Variants in URB1 observed in about 807,000 individuals in gnomAD.
URB1 encodes URB1 ribosome biogenesis factor.
A neutral mutation model predicts 242.3 loss-of-function variants in URB1; 197 were observed. The ratio of observed to expected loss-of-function variants is 0.81; its 90% CI spans 0.72 to 0.91. The LOEUF (loss-of-function observed/expected upper bound fraction) is 0.91, where lower values mean the gene tolerates loss of function less well. Ranked by LOEUF, URB1 falls within the 40% of genes least tolerant of loss-of-function variation. URB1 has a pLI of 0.00. For missense variants in URB1, 2,721 were observed against 2,860.5 expected (o/e 0.95, Z 1.11); for synonymous variants, 1,153 against 1,201.8 (o/e 0.96, Z 0.84).
In URB1 at chr21:32,325,407, C is replaced by T. The variant is rs750927253; in HGVS notation, c.4961-18G>A. ...CACAAACTCTGCAGGAAATGAAATACAGCATGAAACACACACAATATGATT... is the reference window on the plus strand; with the variant it reads ...CACAAACTCTGCAGGAAATGAAATATAGCATGAAACACACACAATATGATT... On this transcript the variant is annotated intron_variant, in intron 30 of 38. Transcript: ENST00000382751. 1.9e-6 allele frequency: 3 copies of T among 1,542,016 alleles called. No homozygotes were observed. The highest frequency in any genetic ancestry group is 1.7e-4 in the Middle Eastern group (1 of 5,956).
chr21:32,342,870 A>G (rs1478520438), intron 24 of URB1, among the ~76,000 whole-genome samples: 1 of 152,194 alleles, frequency 6.6e-6, no homozygotes, highest in East Asian at 1.9e-4. Flanking sequence ...ATTCTTTATC[A>G]TAATAAAAAA....
At chr21:32,337,299 T>C (rs1246249437) in intron 27 of URB1, 105 bp downstream of exon 27, 5 of 1,347,556 alleles carry the variant, frequency 3.7e-6, no homozygotes, top group African/African-American at 1.4e-5. Context: ...GGTCTCACTG[T>C]CTCCTCCTGC....
At chr21:32,325,139 TA>T in intron 31 of URB1, 89 bp downstream of exon 31, 1 of 1,434,582 alleles carries the variant, frequency 7.0e-7, no homozygotes, top group African/African-American at 1.4e-5. Context: ...TGTTCCCTAG[TA>T]AATCCTTCTA....
In URB1 at chr21:32,321,927, C is replaced by T; in HGVS notation, c.5358G>A (p.Lys1786=). 1.3e-6 allele frequency: 2 copies of T among 1,551,590 alleles called. No homozygotes were observed. Among genetic ancestry groups the T allele is most frequent in the South Asian group, 1.2e-5 (1 of 84,052 alleles). Reference sequence around the variant, plus strand: ...CCTGCCGCAGAACGCCAAACACCCACTTCTGCTCTGTTTTTTGCTATAACC... The same window carrying T: ...CCTGCCGCAGAACGCCAAACACCCATTTCTGCTCTGTTTTTTGCTATAACC... ...SSDFEQKTEQ[K]WVFGVLRQGI... is the part of the protein sequence containing the mutation. Residue 1786 remains lysine (K), a synonymous_variant, in exon 34 of 39, where the codon AAG becomes AAA. Transcript: ENST00000382751.
chr21:32,316,376 C>A, intron 38 of URB1, 90 bp downstream of exon 38: 4 of 1,439,324 alleles, frequency 2.8e-6, no homozygotes, highest in Non-Finnish European at 3.7e-6. Context: ...TCAGCAGAAA[C>A]CTGAGTGTTC....
At chr21:32,341,575 A>G in intron 24 of URB1, 51 bp from the exon 25 acceptor site, 1 of 1,516,090 alleles carries the variant, frequency 6.6e-7, no homozygotes. Context: ...AGTCTACAAA[A>G]TACTAAAAGG....
chr21:32,313,173 C>T lies in URB1; in HGVS notation c.*1745G>A, dbSNP rs1452578673. On this transcript the variant is annotated 3_prime_UTR_variant, in exon 39 of 39. Coordinates refer to ENST00000382751, the MANE Select transcript of URB1 (RefSeq NM_014825.3). ...TAAGAACCTGGGAGGCAGCTTAGGC[C>T]TGGAGCCAGGGATGAAGCCGTGGAA... 6.6e-6 allele frequency: 1 copy of T among 152,328 alleles called. No individual in the cohort carries two copies. The highest frequency in any genetic ancestry group is 6.5e-5 in the Admixed American group (1 of 15,282). The allele number at this position is 152,328 out of a possible 1,614,324, so 9.4% of individuals were successfully genotyped here.
At chr21:32,317,397 G>A (rs983818538) in intron 37 of URB1, among the ~76,000 whole-genome samples, 1 of 152,166 alleles carries the variant, frequency 6.6e-6, no homozygotes, top group African/African-American at 2.4e-5. Context: ...AGGAGGTTGG[G>A]GCAAGTAGCT....
At chr21:32,347,869 G>A (rs1275199581) in intron 21 of URB1, 58 bp from the exon 22 acceptor site, 27 of 1,469,456 alleles carry the variant, frequency 1.8e-5, no homozygotes, top group South Asian at 2.7e-5. Flanking sequence ...AGACAGGGGC[G>A]GCAGCTGCCA....
chr21:32,334,406 A>C, intron 28 of URB1, 72 bp from the exon 29 acceptor site: 2 of 1,460,720 alleles, frequency 1.4e-6, no homozygotes, highest in Non-Finnish European at 1.8e-6. Context: ...GATAACAACA[A>C]CAGGTAGCAG....
chr21:32,372,470 T>A (rs781485734), intron 8 of URB1, 37 bp downstream of exon 8: 1 of 1,544,374 alleles, frequency 6.5e-7, no homozygotes, highest in East Asian at 2.4e-5. Flanking sequence ...CTGAGGAACA[T>A]ACACACCCTG....
At chr21:32,355,318 A>C in intron 16 of URB1, 131 bp downstream of exon 16, 1 of 789,992 alleles carries the variant, frequency 1.3e-6, no homozygotes. Context: ...CTGAAGTCTC[A>C]GCAAGAATTA....
At chr21:32,366,380 G>T (rs1289535157) in intron 10 of URB1, among the ~76,000 whole-genome samples, 1 of 152,186 alleles carries the variant, frequency 6.6e-6, no homozygotes, top group African/African-American at 2.4e-5. Flanking sequence ...CAGGGCCAAG[G>T]ACATGAAGTC....
Position 32,338,744 on chromosome 21 carries a change from C to G in URB1, c.4473G>C (p.Thr1491=), listed in dbSNP as rs116642019. 2 of 1,551,464 alleles carry G rather than the reference C, an allele frequency of 1.3e-6. No homozygotes were observed. Among genetic ancestry groups the G allele is most frequent in the South Asian group, 1.2e-5 (1 of 84,056 alleles). Residue 1491 remains threonine, a synonymous_variant, in exon 26 of 39, where the codon ACG becomes ACC. Transcript: ENST00000382751. ...QHSLFLPTLL[T]SDGEESPDSQ... ...TGTCCGGGCTCTCCTCTCCGTCAGA[C>G]GTCAGTAGAGTCGGCAGAAACAGCG...
intron 16 of URB1, among the ~76,000 whole-genome samples, 158 bp downstream of exon 16, chr21:32,355,291 C>T (rs1043494995): frequency 1.1e-4 from 17 of 152,174 alleles, no homozygotes; most frequent in African/African-American, 3.9e-4. Flanking sequence ...TTTACAGATT[C>T]TAAAACTATG....
chr21:32,363,074 G>C (rs1483799843), intron 11 of URB1, 82 bp downstream of exon 11: 9 of 1,471,440 alleles, frequency 6.1e-6, no homozygotes, highest in African/African-American at 2.8e-5. Flanking sequence ...CACATCACTT[G>C]GCTTCCACCC....
At chr21:32,339,591 C>CA (rs1315516166) in intron 25 of URB1, among the ~76,000 whole-genome samples, 2 of 151,090 alleles carry the variant, frequency 1.3e-5, no homozygotes, top group Admixed American at 6.6e-5. Flanking sequence ...CCCGGGTTCA[C>CA]ACCATTCTCC....
chr21:32,373,367 T>G (rs1399412389), intron 7 of URB1, among the ~76,000 whole-genome samples: 1 of 151,976 alleles, frequency 6.6e-6, no homozygotes, highest in African/African-American at 2.4e-5. Context: ...CCTGCAGGTC[T>G]AACAGGCAAG....
chr21:32,356,637 G>C (rs2033224025), intron 15 of URB1, among the ~76,000 whole-genome samples: 1 of 152,142 alleles, frequency 6.6e-6, no homozygotes, highest in African/African-American at 2.4e-5. Context: ...CAGACCTCAA[G>C]ACTCACTATT....
Sources: allele counts gnomAD v4.1 joint callset (sites outside exome capture counted in the v4.1 genomes callset), GRCh38; gene constraint gnomAD v4.1.1; transcripts MANE v1.5; gene names NCBI Gene and HGNC (gene_info 2026-07-23, HGNC 2026-07-21).